DHRS3: variants seen among roughly 807,000 people sequenced by gnomAD.
The protein encoded by DHRS3 is short-chain dehydrogenase/reductase 3.
In DHRS3, 14 loss-of-function variants were observed where a neutral mutation model predicts 27.2. The observed-to-expected ratio is 0.52, with a 90% CI of 0.34 to 0.81. The LOEUF (loss-of-function observed/expected upper bound fraction) is 0.81, where lower values mean the gene tolerates loss of function less well. Among genes scored for constraint, DHRS3 ranks in the 30% least tolerant of loss-of-function variants. The pLI is 0.01. For synonymous variants in DHRS3, 165 were observed against 175.9 expected (o/e 0.94, Z 0.49); for missense variants, 322 against 406.2 (o/e 0.79, Z 1.78).
chr1:12,604,679 T>C (rs1213483544), intron 1 of DHRS3, among the ~76,000 whole-genome samples: 2 of 152,142 alleles, frequency 1.3e-5, no homozygotes, highest in Non-Finnish European at 2.9e-5. Flanking sequence ...AGATGGAGTG[T>C]TGAAGCTGGG....
intron 5 of DHRS3, among the ~76,000 whole-genome samples, chr1:12,571,488 T>TG (rs1387132901): frequency 6.6e-6 from 1 of 151,326 alleles, no homozygotes; most frequent in Non-Finnish European, 1.5e-5. Context: ...CAGGAACCTT[T>TG]GGGGTACCCG....
At chr1:12,577,360 T>C (rs1646598900) in intron 4 of DHRS3, among the ~76,000 whole-genome samples, 1 of 152,120 alleles carries the variant, frequency 6.6e-6, no homozygotes, top group South Asian at 2.1e-4. Context: ...GCGCACCCCA[T>C]CTTGCAGATC....
chr1:12,611,011 G>A (rs1230078071), intron 1 of DHRS3, among the ~76,000 whole-genome samples: 4 of 152,178 alleles, frequency 2.6e-5, no homozygotes, highest in Non-Finnish European at 5.9e-5. Context: ...GTGACAACCA[G>A]ATACACTTCC....
rs1253681441 is a variant in DHRS3, at chr1:12,617,366, C to A, written c.-18G>T. The A allele has an allele frequency of 1.9e-6, 3 of 1,592,440 alleles. No homozygotes were observed. The highest frequency in any genetic ancestry group is 2.6e-6 in the Non-Finnish European group (3 of 1,164,110). On this transcript the variant is annotated 5_prime_UTR_variant, in exon 1 of 6. Coordinates refer to ENST00000616661, the MANE Select transcript of DHRS3 (RefSeq NM_004753.7). ...CACACCATCCTCCGCGCCGCGGAGC[C>A]GGGCAGGGGGCGAAACTCCCCGGGC...
intron 4 of DHRS3, among the ~76,000 whole-genome samples, chr1:12,575,847 C>T (rs1015226080): frequency 6.6e-5 from 10 of 152,116 alleles, no homozygotes; most frequent in African/African-American, 2.4e-4. Context: ...GCTGGGATTA[C>T]AGGCACCCAC....
intron 2 of DHRS3, chr1:12,580,090 C>A: frequency 3.5e-6 from 1 of 285,436 alleles, no homozygotes; most frequent in African/African-American, 2.2e-5. Flanking sequence ...CACACCGTAC[C>A]TGGCACACAG....
chr1:12,605,967 C>T (rs1005637356), intron 1 of DHRS3, among the ~76,000 whole-genome samples: 9 of 151,796 alleles, frequency 5.9e-5, no homozygotes, highest in South Asian at 2.1e-4. Flanking sequence ...GGTGAAATCC[C>T]GTCTCTACTA....
intron 1 of DHRS3, among the ~76,000 whole-genome samples, chr1:12,609,057 A>G (rs1390047873): frequency 6.6e-6 from 1 of 152,204 alleles, no homozygotes; most frequent in African/African-American, 2.4e-5. Context: ...CCTTCATTCT[A>G]AGCACCAGCA....
intron 4 of DHRS3, among the ~76,000 whole-genome samples, chr1:12,577,057 A>T (rs771713543): frequency 2.0e-5 from 3 of 151,922 alleles, no homozygotes; most frequent in African/African-American, 7.3e-5. Context: ...CGTGGCATGC[A>T]CTACACTAAA....
Position 12,575,991 on chromosome 1 carries a change from G to A in DHRS3, c.698+2727C>T, listed in dbSNP as rs529235832. The stretch of plus-strand genomic sequence containing the variant: ...CAAAGTGCTGGGATTACAGGCGTGA[G>A]CCACCGTGCCCAGCTGGGGATACTA... On this transcript the variant is annotated intron_variant, in intron 4 of 5. Coordinates refer to ENST00000616661, the MANE Select transcript of DHRS3 (RefSeq NM_004753.7). Among the ~76,000 whole-genome samples, 8 of 152,210 alleles carry A rather than the reference G, an allele frequency of 5.3e-5. No individual in the cohort carries two copies. In the East Asian group the frequency reaches 1.4e-3, roughly 26 times the overall value.
At chr1:12,597,162 C>A (rs529969344) in intron 1 of DHRS3, among the ~76,000 whole-genome samples, 1 of 152,110 alleles carries the variant, frequency 6.6e-6, no homozygotes, top group Admixed American at 6.5e-5. Flanking sequence ...CTGCAACCTC[C>A]GCCTCCCGGG....
At chr1:12,584,343 G>C (rs564577744) in intron 1 of DHRS3, among the ~76,000 whole-genome samples, 1 of 152,098 alleles carries the variant, frequency 6.6e-6, no homozygotes, top group Non-Finnish European at 1.5e-5. Flanking sequence ...ACTGTCTTCC[G>C]TGGGCCAGGA....
rs1463242061 is a variant in DHRS3 at position 12,617,141 on chromosome 1, C to A, written c.195+13G>T. 6.2e-7 allele frequency: 1 copy of A among 1,606,466 alleles called. No homozygotes were observed. Among genetic ancestry groups the A allele is most frequent in the Non-Finnish European group, 8.5e-7 (1 of 1,177,396 alleles). On this transcript the variant is annotated intron_variant, in intron 1 of 5. Coordinates refer to ENST00000616661, the MANE Select transcript of DHRS3 (RefSeq NM_004753.7). ...TGCGGCCCCCCACTCCCTGGAGTCG[C>A]AGTGCCTGGTACCTTTCTGGCGCCG...
chr1:12,581,743 C>T (rs556478292), intron 1 of DHRS3, among the ~76,000 whole-genome samples: 13 of 152,208 alleles, frequency 8.5e-5, no homozygotes, highest in Admixed American at 2.0e-4. Flanking sequence ...GGCCTGGAGT[C>T]GGATGACAGG....
chr1:12,610,235 T>C lies in DHRS3; in HGVS notation c.195+6919A>G, dbSNP rs950179177. ...CTGGGATTATAAGTGCGCTCTACCA[T>C]GCCCAGCAATTTTTTTTTTTTTTTT... On this transcript the variant is annotated intron_variant, in intron 1 of 5. Transcript: ENST00000616661. Among the ~76,000 whole-genome samples, 4 of 145,698 alleles carry C rather than the reference T, an allele frequency of 2.7e-5. 1 individual carries two copies. The highest frequency in any genetic ancestry group is 9.9e-5 in the African/African-American group (4 of 40,418).
chr1:12,574,000 T>G (rs980878621), intron 4 of DHRS3, among the ~76,000 whole-genome samples: 1 of 152,064 alleles, frequency 6.6e-6, no homozygotes, highest in African/African-American at 2.4e-5. Context: ...CACAAAGAGC[T>G]TGTGATCCGC....
At chr1:12,609,420 C>T (rs912118407) in intron 1 of DHRS3, among the ~76,000 whole-genome samples, 1 of 152,184 alleles carries the variant, frequency 6.6e-6, no homozygotes, top group Non-Finnish European at 1.5e-5. Context: ...TGCCAGCTGC[C>T]TCCCACCCCC....
chr1:12,607,378 C>A (rs1474248982), intron 1 of DHRS3, among the ~76,000 whole-genome samples: 4 of 152,142 alleles, frequency 2.6e-5, no homozygotes, highest in Non-Finnish European at 4.4e-5. Flanking sequence ...GATGAGGTGG[C>A]CGTAATTGGA....
In DHRS3 at chr1:12,578,984, A is replaced by G; in HGVS notation, c.460-28T>C. On this transcript the variant is annotated intron_variant, in intron 3 of 5. Coordinates refer to ENST00000616661, the MANE Select transcript of DHRS3 (RefSeq NM_004753.7). The surrounding 1 kb of genome is among the most constrained non-coding windows in gnomAD (Gnocchi z 4.5). ...GAGGGCAGATGGGGTGTCAGGGTGGAGCAGCTGCAGCTCTGACAACCCCTC... is the reference window on the plus strand; with the variant it reads ...GAGGGCAGATGGGGTGTCAGGGTGGGGCAGCTGCAGCTCTGACAACCCCTC... 6.3e-7 allele frequency: 1 copy of G among 1,583,092 alleles called. No individual in the cohort carries two copies. The highest frequency in any genetic ancestry group is 8.6e-7 in the Non-Finnish European group (1 of 1,157,624).
Sources: allele counts gnomAD v4.1 joint callset (sites outside exome capture counted in the v4.1 genomes callset), GRCh38; gene constraint gnomAD v4.1.1; non-coding constraint Gnocchi (gnomAD v3.1); transcripts MANE v1.5; gene names NCBI Gene and HGNC (gene_info 2026-07-23, HGNC 2026-07-21).